The following UROC1 variants were observed in gnomAD, a reference collection of about 807,000 sequenced individuals.
UROC1 encodes urocanate hydratase 1.
A neutral mutation model predicts 89.5 loss-of-function variants in UROC1; 79 were observed. The ratio of observed to expected loss-of-function variants is 0.88; its 90% CI spans 0.74 to 1.06. The LOEUF is 1.06. Among genes scored for constraint, UROC1 ranks in the 50% least tolerant of loss-of-function variants. The pLI is 0.00. For missense variants in UROC1, 885 were observed against 907.8 expected, an observed-to-expected ratio of 0.97 and a Z score of 0.32; for synonymous variants, 361 against 354.8, an observed-to-expected ratio of 1.02 and a Z score of -0.20.
intron 18 of UROC1, among the ~76,000 whole-genome samples, chr3:126,483,906 G>A (rs1268804514): frequency 6.6e-6 from 1 of 152,190 alleles, no homozygotes; most frequent in African/African-American, 2.4e-5. Flanking sequence ...TTTTAGAGAT[G>A]GTATCTCACT....
chr3:126,497,212 G>A (rs1935797498), intron 14 of UROC1, among the ~76,000 whole-genome samples: 1 of 152,226 alleles, frequency 6.6e-6, no homozygotes, highest in Non-Finnish European at 1.5e-5. Context: ...AGGGTGTAAG[G>A]GCCCTAGAGA....
At position 126,498,834 on chromosome 3, in the gene UROC1, C is replaced by T. The variant is rs138113069; in HGVS notation, c.1316+503G>A. On this transcript the variant is annotated intron_variant, in intron 13 of 19. Transcript: ENST00000290868. ...TCCAAAAGTCATGTGGTCCCTCCTG[C>T]CCCCAGCAGAAAGCCCAGACTTCTC... Among the ~76,000 whole-genome samples the T allele has an allele frequency of 2.1e-3, 324 of 152,234 alleles. 1 individual carries two copies. Among genetic ancestry groups the T allele is most frequent in the Middle Eastern group, 0.01 (3 of 294 alleles).
chr3:126,501,498 T>A (rs1935922447), intron 9 of UROC1, among the ~76,000 whole-genome samples: 1 of 152,156 alleles, frequency 6.6e-6, no homozygotes, highest in Non-Finnish European at 1.5e-5. Flanking sequence ...CAGACCCAAA[T>A]TCCCCAGACC....
At chr3:126,488,305 C>T (rs1463688018) in intron 17 of UROC1, 26 bp from the exon 18 acceptor site, 3 of 1,613,594 alleles carry the variant, frequency 1.9e-6, no homozygotes, top group Admixed American at 1.7e-5. Context: ...CGCCTCTGCT[C>T]ATCACCCCCT....
At chr3:126,508,827 A>G (rs1293182101) in intron 3 of UROC1, among the ~76,000 whole-genome samples, 4 of 152,132 alleles carry the variant, frequency 2.6e-5, no homozygotes, top group South Asian at 2.1e-4. Flanking sequence ...ATCACCCCCA[A>G]GGAATGCAGG....
At chr3:126,502,530 T>A (rs1213243300) in intron 9 of UROC1, among the ~76,000 whole-genome samples, 1 of 151,712 alleles carries the variant, frequency 6.6e-6, no homozygotes, top group Non-Finnish European at 1.5e-5. Context: ...GTGTTATGTC[T>A]GTATTTATGT....
chr3:126,482,236 G>A lies in UROC1; in HGVS notation c.*109C>T, dbSNP rs557599762. ...GGCACCATAAGGGCCACGTGAGGATGTGCGAGAAGTGCAGGTAGTGCGGGT... is the reference window on the plus strand; with the variant it reads ...GGCACCATAAGGGCCACGTGAGGATATGCGAGAAGTGCAGGTAGTGCGGGT... On this transcript the variant is annotated 3_prime_UTR_variant, in exon 20 of 20. Coordinates refer to ENST00000290868, the MANE Select transcript of UROC1 (RefSeq NM_144639.3). 46 of 1,507,784 alleles carry A rather than the reference G, an allele frequency of 3.1e-5. No homozygotes were observed. The African/African-American group carries it at 5.1e-4, about 17-fold the overall frequency. The allele number at this position is 1,507,784 out of a possible 1,614,324, so 93.4% of individuals were successfully genotyped here.
At chr3:126,502,906 C>T (rs1197444375) in intron 9 of UROC1, among the ~76,000 whole-genome samples, 1 of 148,766 alleles carries the variant, frequency 6.7e-6, no homozygotes, top group African/African-American at 2.5e-5. Context: ...GCTGCATTCT[C>T]TGTGTATGTA....
chr3:126,490,494 T>C (rs1935619554), intron 16 of UROC1, among the ~76,000 whole-genome samples: 1 of 152,172 alleles, frequency 6.6e-6, no homozygotes, highest in Non-Finnish European at 1.5e-5. Context: ...GAGACCAGCC[T>C]GGCCAACATG....
chr3:126,492,221 T>C (rs1461454253), intron 16 of UROC1, among the ~76,000 whole-genome samples, 197 bp downstream of exon 16: 1 of 152,098 alleles, frequency 6.6e-6, no homozygotes, highest in Non-Finnish European at 1.5e-5. Flanking sequence ...AGTTTGGGCC[T>C]CAGCCATGGA....
At chr3:126,503,919 C>T in intron 9 of UROC1, 76 bp downstream of exon 9, 2 of 1,556,900 alleles carry the variant, frequency 1.3e-6, no homozygotes, top group Non-Finnish European at 1.8e-6. Context: ...CCAAGCTGCC[C>T]CATGGGGGTC....
intron 6 of UROC1, 24 bp from the exon 7 acceptor site, chr3:126,506,035 G>T (rs1197348729): frequency 6.2e-7 from 1 of 1,613,230 alleles, no homozygotes; most frequent in Non-Finnish European, 8.5e-7. Context: ...GAGAAGCCAA[G>T]CCCAGGGCTC....
At chr3:126,498,370 C>T (rs1448776950) in intron 13 of UROC1, among the ~76,000 whole-genome samples, 198 bp from the exon 14 acceptor site, 1 of 152,126 alleles carries the variant, frequency 6.6e-6, no homozygotes, top group East Asian at 1.9e-4. Context: ...CCATCCCTGC[C>T]TCCTGGCTGT....
intron 18 of UROC1, among the ~76,000 whole-genome samples, chr3:126,486,329 C>A (rs997200490): frequency 2.6e-5 from 4 of 152,242 alleles, no homozygotes; most frequent in African/African-American, 9.6e-5. Context: ...GAAAGGAGAT[C>A]AGAAAAGTCT....
intron 1 of UROC1, among the ~76,000 whole-genome samples, chr3:126,517,180 C>T (rs1380915601): frequency 5.9e-5 from 9 of 152,162 alleles, no homozygotes; most frequent in Non-Finnish European, 8.8e-5. Flanking sequence ...GCCATGCAGC[C>T]GCACGTTCTC....
At chr3:126,508,130 C>A (rs771852434) in intron 4 of UROC1, 35 bp from the exon 5 acceptor site, 4 of 1,612,920 alleles carry the variant, frequency 2.5e-6, no homozygotes, top group Non-Finnish European at 3.4e-6. Context: ...ATTCTGTCAA[C>A]AGAAGCAGCA....
chr3:126,496,070 G>A lies in UROC1; in HGVS notation c.1477C>T (p.Arg493Cys), dbSNP rs199880733. Residue 493 changes from arginine (R) to cysteine (C), a missense_variant, in exon 15 of 20, where the codon CGC becomes TGC. Arg to Cys is a radical substitution (Grantham distance 180). Transcript: ENST00000290868. ...SVKLQYMDNI[R>C]WIREAARHRL... ...TGCCTGGCGGCCTCCCGGATCCAGCGGATGTTGTCCATGTACTGCAGCTTC... is the reference window on the plus strand; with the variant it reads ...TGCCTGGCGGCCTCCCGGATCCAGCAGATGTTGTCCATGTACTGCAGCTTC... The A allele has an allele frequency of 5.6e-5, 90 of 1,613,440 alleles. No homozygotes were observed. The highest frequency in any genetic ancestry group is 1.6e-4 in the Middle Eastern group (1 of 6,062).
intron 9 of UROC1, among the ~76,000 whole-genome samples, chr3:126,503,479 G>A (rs568148379): frequency 5.9e-5 from 9 of 152,324 alleles, no homozygotes; most frequent in East Asian, 1.9e-4. Context: ...GGGTTGAGGC[G>A]GAGAAACCCA....
intron 9 of UROC1, among the ~76,000 whole-genome samples, chr3:126,502,751 T>C (rs994511117): frequency 1.2e-4 from 13 of 106,064 alleles, no homozygotes; most frequent in African/African-American, 3.3e-5. Context: ...CATGCATGTG[T>C]ATGTTGTGTG....
Sources: gnomAD v4.1 joint callset for allele counts (sites outside exome capture counted in the v4.1 genomes callset) on GRCh38, gnomAD v4.1.1 for gene constraint, MANE v1.5 for transcripts, NCBI Gene and HGNC (gene_info 2026-07-23, HGNC 2026-07-21) for gene names.